Variants in AK8 observed in about 807,000 individuals in gnomAD.
AK8 encodes adenylate kinase 8, also known as ATP-AMP transphosphorylase 8.
AK8 carries 44 observed loss-of-function variants against 54.6 expected under a neutral mutation model. That is an observed-to-expected ratio of 0.81 (90% CI 0.63 to 1.04). AK8 has a LOEUF of 1.04. AK8 is among the 50% of genes least tolerant of loss of function. AK8 has a pLI of 0.00. For missense variants in AK8, 555 were observed against 613.6 expected, an observed-to-expected ratio of 0.90 and a Z score of 1.01; for synonymous variants, 239 against 245.6, an observed-to-expected ratio of 0.97 and a Z score of 0.25.
chr9:132,741,161 A>G (rs1216580939), intron 11 of AK8, among the ~76,000 whole-genome samples: 1 of 152,174 alleles, frequency 6.6e-6, no homozygotes, highest in Non-Finnish European at 1.5e-5. Flanking sequence ...AGCAGCTCTC[A>G]GGTGCAGGTA....
intron 11 of AK8, among the ~76,000 whole-genome samples, chr9:132,783,195 T>C (rs970674881): frequency 2.6e-5 from 4 of 152,018 alleles, no homozygotes; most frequent in Non-Finnish European, 5.9e-5. Context: ...CAGGGAGACA[T>C]GAGTACAGAG....
At chr9:132,819,658 T>G (rs1841489984) in intron 9 of AK8, among the ~76,000 whole-genome samples, 1 of 152,312 alleles carries the variant, frequency 6.6e-6, no homozygotes, top group Admixed American at 6.5e-5. Flanking sequence ...GATTAAAAAT[T>G]TCAAACATCT....
At chr9:132,827,594 C>T (rs574290708) in intron 7 of AK8, among the ~76,000 whole-genome samples, 24 of 152,254 alleles carry the variant, frequency 1.6e-4, no homozygotes, top group African/African-American at 5.1e-4. Flanking sequence ...TCAAGGGCCC[C>T]GTCCCCTGCA....
intron 2 of AK8, among the ~76,000 whole-genome samples, chr9:132,868,309 A>C (rs998118144): frequency 7.9e-5 from 12 of 152,206 alleles, no homozygotes; most frequent in African/African-American, 2.9e-4. Flanking sequence ...GCTTGGGTTT[A>C]AATAGATCTT....
At chr9:132,748,935 C>T (rs1260482385) in intron 11 of AK8, among the ~76,000 whole-genome samples, 3 of 151,880 alleles carry the variant, frequency 2.0e-5, no homozygotes, top group Non-Finnish European at 2.9e-5. Context: ...AGTGCAATGG[C>T]GCGATCTCGG....
intron 2 of AK8, among the ~76,000 whole-genome samples, chr9:132,867,785 C>T (rs1843664089): frequency 6.6e-6 from 1 of 152,242 alleles, no homozygotes; most frequent in South Asian, 2.1e-4. Flanking sequence ...GGGAGAGAAC[C>T]CACTGCAGGT....
chr9:132,784,241 C>T (rs145640068), intron 11 of AK8, among the ~76,000 whole-genome samples: 4 of 151,776 alleles, frequency 2.6e-5, no homozygotes, highest in Non-Finnish European at 4.4e-5. Flanking sequence ...ATCCATAGGC[C>T]GGGCGCAGTG....
At chr9:132,823,709 T>C (rs1027097165) in intron 8 of AK8, among the ~76,000 whole-genome samples, 8 of 152,232 alleles carry the variant, frequency 5.3e-5, no homozygotes, top group African/African-American at 1.9e-4. Flanking sequence ...TGGTGGCTTT[T>C]CCTACTGAAT....
intron 11 of AK8, among the ~76,000 whole-genome samples, chr9:132,768,557 G>A (rs1404930202): frequency 2.0e-5 from 3 of 152,138 alleles, no homozygotes; most frequent in Non-Finnish European, 4.4e-5. Context: ...GTGAGCCACC[G>A]TGCCGGCCAA....
At chr9:132,743,032 G>A (rs1259100077) in intron 11 of AK8, among the ~76,000 whole-genome samples, 1 of 152,218 alleles carries the variant, frequency 6.6e-6, no homozygotes, top group Non-Finnish European at 1.5e-5. Flanking sequence ...GGGGGGCCTG[G>A]CCTCCCACTG....
intron 11 of AK8, among the ~76,000 whole-genome samples, chr9:132,746,192 G>A (rs1439619169): frequency 1.3e-5 from 2 of 151,272 alleles, no homozygotes; most frequent in East Asian, 3.9e-4. Flanking sequence ...AAGCCAGTCT[G>A]GCATTCACCT....
intron 11 of AK8, among the ~76,000 whole-genome samples, chr9:132,768,542 C>T (rs1307930541): frequency 6.6e-6 from 1 of 152,230 alleles, no homozygotes; most frequent in Non-Finnish European, 1.5e-5. Context: ...GCTGGGATTA[C>T]AGGCGTGAGC....
chr9:132,836,166 G>A (rs987739067), intron 5 of AK8, among the ~76,000 whole-genome samples: 1 of 152,178 alleles, frequency 6.6e-6, no homozygotes, highest in African/African-American at 2.4e-5. Context: ...ACATGCACCT[G>A]TAGTCCCAGC....
In AK8 at chr9:132,742,071, G is replaced by A. The variant is rs917521247; in HGVS notation, c.1122-14537C>T. On this transcript the variant is annotated intron_variant, in intron 11 of 12. Transcript: ENST00000298545. ...GTTTTCAAGGTTCATCCAGACTGTC[G>A]CATGGATCAGAACTTCATTCCTCGT... Among the ~76,000 whole-genome samples, 4 of 152,096 alleles carry A rather than the reference G, an allele frequency of 2.6e-5. No homozygotes were observed. In the East Asian group the frequency reaches 5.8e-4, roughly 22 times the overall value.
rs1437850264 is a variant in AK8, at chr9:132,854,873, T to C, written c.386A>G (p.Glu129Gly). The change falls in exon 5 of 13, where the codon GAG becomes GGG. Residue 129 changes from glutamate (E) to glycine (G), a missense_variant. Physicochemically the swap from Glu to Gly is moderately conservative, Grantham distance 98. Transcript: ENST00000298545. ...VQLIQERLAE[E>G]DCIKQGWILD... ...GAGTCTTACCTGCTTGATGCAATCCTCTTCAGCCAGGCGTTCCTGAATCAG... is the reference window on the plus strand; with the variant it reads ...GAGTCTTACCTGCTTGATGCAATCCCCTTCAGCCAGGCGTTCCTGAATCAG... The C allele has an allele frequency of 6.2e-7, 1 of 1,614,004 alleles. No individual in the cohort carries two copies.
At chr9:132,857,786 C>T (rs1843232897) in intron 4 of AK8, among the ~76,000 whole-genome samples, 1 of 152,224 alleles carries the variant, frequency 6.6e-6, no homozygotes, top group South Asian at 2.1e-4. Context: ...CCCCCTGCAG[C>T]CTGCACAGCA....
chr9:132,852,884 T>C lies in AK8; in HGVS notation c.402+1973A>G, dbSNP rs555485563. Among the ~76,000 whole-genome samples the C allele has an allele frequency of 5.3e-5, 8 of 150,860 alleles. No individual in the cohort carries two copies. The South Asian group carries it at 1.7e-3, about 32-fold the overall frequency. ...CAAAAGGGTGAATGCTTTGTGTTAT[T>C]GGAGTTGCAGAAGGAGAGGAGAGAG... On this transcript the variant is annotated intron_variant, in intron 5 of 12. Coordinates refer to ENST00000298545, the MANE Select transcript of AK8 (RefSeq NM_152572.3).
intron 10 of AK8, among the ~76,000 whole-genome samples, chr9:132,801,074 G>A (rs1347709309): frequency 2.6e-5 from 4 of 152,050 alleles, no homozygotes; most frequent in Non-Finnish European, 5.9e-5. Context: ...ACAGAAGTGC[G>A]CCACCAGGCC....
Position 132,799,699 on chromosome 9 carries a change from C to T in AK8, c.980-6924G>A, listed in dbSNP as rs1840353086. 6.6e-6 allele frequency among the ~76,000 whole-genome samples: 1 copy of T among 152,128 alleles called. No homozygotes were observed. The highest frequency in any genetic ancestry group is 2.1e-4 in the South Asian group (1 of 4,824). ...ATCCACACATAGTACACGAAGCACA[C>T]ACCCTCATTACACAAACACATCTAG... On this transcript the variant is annotated intron_variant, in intron 10 of 12. Coordinates refer to ENST00000298545, the MANE Select transcript of AK8 (RefSeq NM_152572.3). The surrounding 1 kb of genome is among the most constrained non-coding windows in gnomAD (Gnocchi z 5.0).
Sources: allele counts gnomAD v4.1 joint callset (sites outside exome capture counted in the v4.1 genomes callset), GRCh38; gene constraint gnomAD v4.1.1; non-coding constraint Gnocchi (gnomAD v3.1); transcripts MANE v1.5; gene names NCBI Gene and HGNC (gene_info 2026-07-23, HGNC 2026-07-21).